The following RAB37 variants were observed in gnomAD, a reference collection of about 807,000 sequenced individuals.
The protein encoded by RAB37 is RAB37, member RAS oncogene family.
RAB37 carries 29 observed loss-of-function variants against 33.1 expected under a neutral mutation model. That is an observed-to-expected ratio of 0.88 (90% confidence interval 0.65 to 1.20). The LOEUF (loss-of-function observed/expected upper bound fraction) is 1.20. Ranked by LOEUF, RAB37 falls within the 50% of genes most tolerant of loss-of-function variation. The pLI is 0.00. For missense variants in RAB37, 299 were observed against 301.1 expected (o/e 0.99, Z 0.05); for synonymous variants, 128 against 119.5 (o/e 1.07, Z -0.47).
intron 1 of RAB37, among the ~76,000 whole-genome samples, chr17:74,699,212 C>T (rs1291012297): frequency 6.6e-6 from 1 of 152,046 alleles, no homozygotes; most frequent in Non-Finnish European, 1.5e-5. Flanking sequence ...CCACAGCGCC[C>T]GGCCTTAACA....
Position 74,742,429 on chromosome 17 carries a change from TTTTG to T in RAB37, c.246+138_246+141del, listed in dbSNP as rs2034641555. On this transcript the variant is annotated intron_variant, in intron 3 of 8. Coordinates refer to ENST00000392613, the MANE Select transcript of RAB37 (RefSeq NM_001006638.3). The surrounding 1 kb of genome is among the most constrained non-coding windows in gnomAD (Gnocchi z 4.0). The stretch of plus-strand genomic sequence containing the variant: ...TGTGGGGCCCACGGGAGGAAATGGC[TTTTG>T]TTTATTTGACATCTGCAGAAAAAGC... The T allele has an allele frequency of 9.0e-6, 6 of 664,700 alleles. No homozygotes were observed. In the East Asian group the frequency reaches 1.7e-4, roughly 19 times the overall value. The allele number at this position is 664,700 out of a possible 1,614,324, so 41.2% of individuals were successfully genotyped here.
intron 1 of RAB37, among the ~76,000 whole-genome samples, chr17:74,724,520 G>T (rs2034282084): frequency 6.6e-6 from 1 of 152,216 alleles, no homozygotes; most frequent in Non-Finnish European, 1.5e-5. Context: ...TCCGTGTGAA[G>T]AGACCACCAA....
chr17:74,713,779 A>G (rs2034105415), intron 1 of RAB37, among the ~76,000 whole-genome samples: 1 of 151,666 alleles, frequency 6.6e-6, no homozygotes, highest in Admixed American at 6.6e-5. Context: ...CCCAGACTAC[A>G]AGGCCAGGTA....
intron 1 of RAB37, among the ~76,000 whole-genome samples, chr17:74,673,215 C>T (rs1355817379): frequency 6.6e-6 from 1 of 151,920 alleles, no homozygotes; most frequent in African/African-American, 2.4e-5. Context: ...ACCAGCCTGG[C>T]CAACATGGTA....
chr17:74,683,277 C>T (rs921881345), intron 1 of RAB37, among the ~76,000 whole-genome samples: 1 of 152,214 alleles, frequency 6.6e-6, no homozygotes, highest in Non-Finnish European at 1.5e-5. Context: ...GATGATCCAA[C>T]TGTGGACCAT....
chr17:74,743,482 A>T (rs1317236599), intron 5 of RAB37, 142 bp downstream of exon 5: 1 of 837,686 alleles, frequency 1.2e-6, no homozygotes, highest in Non-Finnish European at 2.0e-6. Flanking sequence ...TGTGACTCAG[A>T]AGTCATATCT....
chr17:74,694,797 A>G (rs2143523014), intron 1 of RAB37: 1 of 273,406 alleles, frequency 3.7e-6, no homozygotes, highest in South Asian at 1.2e-4. Flanking sequence ...GTACTTCATG[A>G]TAATAATGAT....
chr17:74,682,657 C>A (rs916721865), intron 1 of RAB37, among the ~76,000 whole-genome samples: 3 of 152,198 alleles, frequency 2.0e-5, no homozygotes, highest in African/African-American at 7.2e-5. Flanking sequence ...GTAATCCCAG[C>A]ACTTTGGGAG....
chr17:74,729,383 A>C lies in RAB37; in HGVS notation c.183+17A>C. The C allele has an allele frequency of 6.3e-7, 1 of 1,584,932 alleles. No individual in the cohort carries two copies. Among genetic ancestry groups the C allele is most frequent in the Non-Finnish European group, 8.7e-7 (1 of 1,153,366 alleles). On this transcript the variant is annotated intron_variant, in intron 2 of 7. Transcript: ENST00000340415. The surrounding 1 kb of genome is among the most constrained non-coding windows in gnomAD (Gnocchi z 4.2). ...GGATTCACGGTAAGCACTGGCCGGC[A>C]CTGCCAGCTCTGGGCCTGGGCTCAG...
chr17:74,674,271 A>T (rs2031772409), intron 1 of RAB37, among the ~76,000 whole-genome samples: 1 of 151,766 alleles, frequency 6.6e-6, no homozygotes, highest in Non-Finnish European at 1.5e-5. Context: ...TTGTAGAGAC[A>T]GAGTTTCACC....
chr17:74,741,476 C>T (rs1300701124), intron 2 of RAB37, among the ~76,000 whole-genome samples: 16 of 151,786 alleles, frequency 1.1e-4, no homozygotes, highest in Non-Finnish European at 2.4e-4. Context: ...GTCCCAGCTA[C>T]TCGGGAGGCT....
chr17:74,731,339 G>A (rs2034381770), intron 2 of RAB37, among the ~76,000 whole-genome samples: 1 of 152,248 alleles, frequency 6.6e-6, no homozygotes, highest in African/African-American at 2.4e-5. Flanking sequence ...AGGAGGCTGA[G>A]TGCCGCCCAG....
chr17:74,671,696 G>C lies in RAB37; in HGVS notation c.72+38G>C. 1 of 1,592,430 alleles carries C rather than the reference G, an allele frequency of 6.3e-7. No homozygotes were observed. The highest frequency in any genetic ancestry group is 8.6e-7 in the Non-Finnish European group (1 of 1,160,356). On this transcript the variant is annotated intron_variant, in intron 1 of 7. Transcript: ENST00000340415. The surrounding 1 kb of genome is among the most constrained non-coding windows in gnomAD (Gnocchi z 5.0). ...TGTATTCCTCAACCTAACGTTGGAA[G>C]AGGCGCCAGCACCAGGAGTTTTCTC...
At chr17:74,682,963 G>C (rs1308927991) in intron 1 of RAB37, among the ~76,000 whole-genome samples, 1 of 152,198 alleles carries the variant, frequency 6.6e-6, no homozygotes, top group African/African-American at 2.4e-5. Flanking sequence ...TCATCTGGAG[G>C]CTAGCCATGC....
Position 74,744,136 on chromosome 17 carries a change from C to G in RAB37, c.367-172C>G, listed in dbSNP as rs1472383811. ...GAGGGTGGGGCCATTGTGGGTTGAG[C>G]CACCAAGGAAGGCCATCCAGGCCTG... is the stretch of plus-strand genomic sequence containing the variant. On this transcript the variant is annotated intron_variant, in intron 5 of 8. Coordinates refer to ENST00000392613, the MANE Select transcript of RAB37 (RefSeq NM_001006638.3). This position sits in a 1 kb window ranked among gnomAD's most constrained non-coding sequence, Gnocchi z 4.2. 6.6e-6 allele frequency among the ~76,000 whole-genome samples: 1 copy of G among 152,046 alleles called. No homozygotes were observed. The highest frequency in any genetic ancestry group is 1.5e-5 in the Non-Finnish European group (1 of 68,010).
intron 1 of RAB37, among the ~76,000 whole-genome samples, chr17:74,718,144 A>G (rs2034190345): frequency 6.6e-6 from 1 of 152,006 alleles, no homozygotes; most frequent in Non-Finnish European, 1.5e-5. Flanking sequence ...AAAAGATACA[A>G]TTAGCTGGGC....
chr17:74,734,677 CTACAAAAA>C (rs572993995), upstream of RAB37, among the ~76,000 whole-genome samples: 522 of 152,066 alleles, frequency 3.4e-3, 2 homozygotes, highest in Non-Finnish European at 4.1e-3. Context: ...AACCCTGTCT[CTACAAAAA>C]TACAAAAATT....
intron 1 of RAB37, among the ~76,000 whole-genome samples, chr17:74,704,046 A>G (rs2033301196): frequency 6.6e-6 from 1 of 152,190 alleles, no homozygotes; most frequent in Non-Finnish European, 1.5e-5. Context: ...CAGGTTAGAT[A>G]TGGAATGGGA....
In RAB37 at chr17:74,744,263, C is replaced by T. The variant is rs2034693333; in HGVS notation, c.367-45C>T. ...CAAACGGAGCAGAAGAAGAAAGGGG[C>T]AGCAGGAGGAAGAGAATGCCAGTCT... On this transcript the variant is annotated intron_variant, in intron 5 of 8. Transcript: ENST00000392613. This position sits in a 1 kb window ranked among gnomAD's most constrained non-coding sequence, Gnocchi z 4.2. 1 of 1,568,386 alleles carries T rather than the reference C, an allele frequency of 6.4e-7. No homozygotes were observed. Among genetic ancestry groups the T allele is most frequent in the African/African-American group, 1.4e-5 (1 of 74,018 alleles).
Sources: allele counts gnomAD v4.1 joint callset (sites outside exome capture counted in the v4.1 genomes callset), GRCh38; gene constraint gnomAD v4.1.1; non-coding constraint Gnocchi (gnomAD v3.1); transcripts MANE v1.5; gene names NCBI Gene and HGNC (gene_info 2026-07-23, HGNC 2026-07-21).